KAT6B: variants seen among roughly 807,000 people sequenced by gnomAD.
KAT6B encodes lysine acetyltransferase 6B.
KAT6B carries 10 observed loss-of-function variants against 187.5 expected under a neutral mutation model. The ratio of observed to expected loss-of-function variants is 0.05; its 90% CI spans 0.03 to 0.09. The LOEUF is 0.09. Ranked by LOEUF, KAT6B falls within the 10% of genes least tolerant of loss-of-function variation. The pLI, the probability that KAT6B is intolerant of heterozygous loss-of-function variation, is 1.00. For missense variants in KAT6B, 1,952 were observed against 2,558.9 expected, an observed-to-expected ratio of 0.76 and a Z score of 5.12; for synonymous variants, 861 against 926.8, an observed-to-expected ratio of 0.93 and a Z score of 1.29.
chr10:74,858,124 A>G (rs1335117594), intron 3 of KAT6B, among the ~76,000 whole-genome samples: 1 of 151,766 alleles, frequency 6.6e-6, no homozygotes, highest in African/African-American at 2.4e-5. Flanking sequence ...CTGAGTTTTG[A>G]GTCTCATGGT....
intron 3 of KAT6B, among the ~76,000 whole-genome samples, chr10:74,937,655 T>C (rs536075920): frequency 6.6e-6 from 1 of 152,246 alleles, no homozygotes; most frequent in South Asian, 2.1e-4. Context: ...AAAGCCTGAC[T>C]ACCCTGGGAA....
chr10:74,893,541 C>T (rs926686415), intron 3 of KAT6B, among the ~76,000 whole-genome samples: 1 of 151,746 alleles, frequency 6.6e-6, no homozygotes, highest in Non-Finnish European at 1.5e-5. Context: ...GCAATCTCAG[C>T]TCACTGCAAC....
At chr10:74,864,171 T>A (rs1049541624) in intron 3 of KAT6B, among the ~76,000 whole-genome samples, 3 of 151,740 alleles carry the variant, frequency 2.0e-5, no homozygotes, top group African/African-American at 7.3e-5. Flanking sequence ...TGGGTTCAAG[T>A]GATTCTCTTG....
At chr10:74,830,492 A>G (rs898395786) in intron 1 of KAT6B, among the ~76,000 whole-genome samples, 8 of 151,780 alleles carry the variant, frequency 5.3e-5, no homozygotes, top group African/African-American at 7.3e-5. Flanking sequence ...TTAGTTTTCA[A>G]AAGTATCTAG....
At chr10:74,892,991 G>A (rs1845742873) in intron 3 of KAT6B, among the ~76,000 whole-genome samples, 1 of 152,248 alleles carries the variant, frequency 6.6e-6, no homozygotes, top group South Asian at 2.1e-4. Context: ...ATGGAGGACA[G>A]CTGGCCTGAG....
At position 75,029,736 on chromosome 10, in the gene KAT6B, G is replaced by A. The variant is rs1471443607; in HGVS notation, c.4912G>A (p.Val1638Met). 1 of 1,614,184 alleles carries A rather than the reference G, an allele frequency of 6.2e-7. No homozygotes were observed. The highest frequency in any genetic ancestry group is 8.5e-7 in the Non-Finnish European group (1 of 1,180,046). The stretch of plus-strand genomic sequence containing the variant: ...CAGCCCAGATCAAAGTGCCATCTCA[G>A]TGCCATCTCTGCAGAACATGGAAAC... ...QISPDQSAISVPSLQNMETSP... is the reference protein window; with the variant it reads ...QISPDQSAISMPSLQNMETSP... Residue 1638 changes from valine to methionine, a missense_variant, in exon 18 of 18, where the codon GTG becomes ATG. Coordinates refer to ENST00000287239, the MANE Select transcript of KAT6B (RefSeq NM_012330.4). The surrounding 1 kb of genome is among the most constrained non-coding windows in gnomAD (Gnocchi z 6.2).
rs1291692137 is a variant in KAT6B at position 74,958,761 on chromosome 10, C to T, written c.622-1209C>T. Among the ~76,000 whole-genome samples, 6 of 152,048 alleles carry T rather than the reference C, an allele frequency of 3.9e-5. No individual in the cohort carries two copies. The South Asian group carries it at 1.3e-3, about 32-fold the overall frequency. ...CTTATATAAAGTGGGAATGTCAGGC[C>T]GGGCTCGGTGGCTCACGCCTGTAAT... On this transcript the variant is annotated intron_variant, in intron 3 of 17. Transcript: ENST00000287239.
intron 3 of KAT6B, among the ~76,000 whole-genome samples, chr10:74,865,928 T>G (rs1843521272): frequency 6.6e-6 from 1 of 152,196 alleles, no homozygotes; most frequent in Non-Finnish European, 1.5e-5. Flanking sequence ...CACAGGTTTG[T>G]GCTGCGCTGG....
At chr10:75,014,699 C>G (rs1397647066) in intron 13 of KAT6B, among the ~76,000 whole-genome samples, 1 of 152,182 alleles carries the variant, frequency 6.6e-6, no homozygotes, top group African/African-American at 2.4e-5. Context: ...AAGCCCCACC[C>G]CTGACCTACT....
Position 74,843,143 on chromosome 10 carries a change from A to G in KAT6B, c.286A>G (p.Arg96Gly). 6.2e-7 allele frequency: 1 copy of G among 1,614,258 alleles called. No individual in the cohort carries two copies. The highest frequency in any genetic ancestry group is 1.6e-4 in the Middle Eastern group (1 of 6,062). The change falls in exon 3 of 18, where the codon AGA (arginine) becomes GGA (glycine). Residue 96 changes from arginine to glycine, a missense_variant. By Grantham distance (125) the Arg-to-Gly change is moderately radical. Coordinates refer to ENST00000287239, the MANE Select transcript of KAT6B (RefSeq NM_012330.4). ...GTFPKSAKGS[R>G]GSCNDLRNVD... ...TTTTCCTAAGTCAGCCAAGGGGTCT[A>G]GAGGATCATGTAATGATCTCCGCAA...
chr10:74,971,580 C>T (rs975370027), intron 6 of KAT6B, among the ~76,000 whole-genome samples: 13 of 151,986 alleles, frequency 8.6e-5, no homozygotes, highest in African/African-American at 2.9e-4. Flanking sequence ...GTTTGTATAT[C>T]ATCTTTTCTA....
At chr10:74,991,656 A>G (rs1056838489) in intron 13 of KAT6B, among the ~76,000 whole-genome samples, 1 of 152,340 alleles carries the variant, frequency 6.6e-6, no homozygotes, top group Admixed American at 6.5e-5. Context: ...CTGTACACCT[A>G]GCATTGCCCC....
intron 1 of KAT6B, among the ~76,000 whole-genome samples, chr10:74,829,845 C>G (rs1349167132): frequency 6.6e-6 from 1 of 151,250 alleles, no homozygotes; most frequent in Non-Finnish European, 1.5e-5. Flanking sequence ...GGTGAAACCC[C>G]ATCTCTACTA....
chr10:74,985,672 G>C (rs1388878303), intron 12 of KAT6B, among the ~76,000 whole-genome samples: 10 of 152,202 alleles, frequency 6.6e-5, no homozygotes. Context: ...CAGTCAAGCT[G>C]ATAAAATGAC....
intron 3 of KAT6B, among the ~76,000 whole-genome samples, chr10:74,945,370 A>G (rs546617089): frequency 1.2e-4 from 19 of 152,352 alleles, no homozygotes; most frequent in African/African-American, 4.1e-4. Context: ...TGAAAAGGGA[A>G]GAGAATGCAG....
intron 8 of KAT6B, 95 bp downstream of exon 8, chr10:74,976,425 T>A: frequency 3.0e-6 from 3 of 993,458 alleles, no homozygotes; most frequent in South Asian, 1.3e-5. Flanking sequence ...ATTTGTCACA[T>A]AGGTCTTAGC....
At chr10:74,877,258 A>G (rs113936257) in intron 3 of KAT6B, among the ~76,000 whole-genome samples, 3,535 of 152,174 alleles carry the variant, frequency 0.023, 136 homozygotes, top group African/African-American at 0.08. Flanking sequence ...GAGCCACCAC[A>G]CCCAGCCAAG....
chr10:74,951,279 A>G (rs1319069129), intron 3 of KAT6B, among the ~76,000 whole-genome samples: 5 of 151,758 alleles, frequency 3.3e-5, no homozygotes, highest in Non-Finnish European at 7.4e-5. Context: ...ACAGGTGCGC[A>G]CCACCATGCC....
chr10:74,918,069 C>G (rs1270651161), intron 3 of KAT6B, among the ~76,000 whole-genome samples: 1 of 151,980 alleles, frequency 6.6e-6, no homozygotes, highest in East Asian at 1.9e-4. Flanking sequence ...ATCAGTGTTT[C>G]TAGTTTTAAA....
Sources: allele counts gnomAD v4.1 joint callset (sites outside exome capture counted in the v4.1 genomes callset), GRCh38; gene constraint gnomAD v4.1.1; non-coding constraint Gnocchi (gnomAD v3.1); transcripts MANE v1.5; gene names NCBI Gene and HGNC (gene_info 2026-07-23, HGNC 2026-07-21).